Variants in PRDM10 observed in about 807,000 individuals in gnomAD.
The protein encoded by PRDM10 is PR domain zinc finger protein 10.
A neutral mutation model predicts 133.1 loss-of-function variants in PRDM10; 65 were observed. That is an observed-to-expected ratio of 0.49 (90% CI 0.40 to 0.60). The LOEUF is 0.60. Ranked by LOEUF, PRDM10 falls within the 20% of genes least tolerant of loss-of-function variation. The probability of loss-of-function intolerance (pLI) is 0.00; values close to 1 mark genes in which losing one functional copy is unlikely to be tolerated. For missense variants in PRDM10, 1,137 were observed against 1,507.1 expected (o/e 0.75, Z 4.07); for synonymous variants, 582 against 580.4 (o/e 1.00, Z -0.04).
rs1950562272 is a variant in PRDM10 at position 129,923,066 on chromosome 11, G to A, written c.2034+182C>T. ...GGGGATTTGAATTAACTATTTTGAG[G>A]AAATGAGTAAGTTTTCCCCCTTAAT... On this transcript the variant is annotated intron_variant, in intron 13 of 20. Transcript: ENST00000360871. The surrounding 1 kb of genome is among the most constrained non-coding windows in gnomAD (Gnocchi z 4.4). Among the ~76,000 whole-genome samples the A allele has an allele frequency of 1.3e-5, 2 of 152,174 alleles. No homozygotes were observed. Among genetic ancestry groups the A allele is most frequent in the Non-Finnish European group, 2.9e-5 (2 of 68,040 alleles).
chr11:129,912,063 A>G (rs1950200300), intron 18 of PRDM10, 22 bp downstream of exon 18: 1 of 1,578,248 alleles, frequency 6.3e-7, no homozygotes, highest in Non-Finnish European at 8.6e-7. Context: ...AACACCTCCA[A>G]ATAGTCTGTG....
chr11:129,944,738 G>A (rs1341731152), intron 6 of PRDM10, 33 bp downstream of exon 6: 2 of 1,611,640 alleles, frequency 1.2e-6, no homozygotes, highest in Admixed American at 1.7e-5. Flanking sequence ...ACTGGTAAAG[G>A]ACAGGAGTGA....
At chr11:129,977,438 C>T in intron 1 of PRDM10, among the ~76,000 whole-genome samples, 1 of 152,148 alleles carries the variant, frequency 6.6e-6, no homozygotes, top group East Asian at 1.9e-4. Flanking sequence ...CACCCGCCAC[C>T]ATGCCCAGCT....
chr11:129,997,440 C>A lies in PRDM10; in HGVS notation c.-119+5282G>T, dbSNP rs144489189. On this transcript the variant is annotated intron_variant, in intron 1 of 20. Transcript: ENST00000360871. Reference sequence around the variant, plus strand: ...GGCTGCAGTGGGCTATGATGGTGCCCCCGCATTCCTGCGTAGGTGACAGAA... The same window carrying A: ...GGCTGCAGTGGGCTATGATGGTGCCACCGCATTCCTGCGTAGGTGACAGAA... Among the ~76,000 whole-genome samples the A allele has an allele frequency of 7.0e-3, 1,043 of 149,368 alleles. 12 individuals are homozygous for A. Among genetic ancestry groups the A allele is most frequent in the African/African-American group, 0.025 (979 of 38,836 alleles).
Position 129,903,325 on chromosome 11 carries a change from A to AATAATAATAATAATAATG in PRDM10, c.3268-810_3268-809insCATTATTATTATTATTAT, listed in dbSNP as rs1949902982. ...AAATAATAATAATAATAATAATAAT[A>AATAATAATAATAATAATG]ATAATAATAATAATAAATGGTTCCC... On this transcript the variant is annotated intron_variant, in intron 20 of 20. Transcript: ENST00000360871. Among the ~76,000 whole-genome samples the AATAATAATAATAATAATG allele has an allele frequency of 1.8e-4, 26 of 145,176 alleles. No homozygotes were observed. In the South Asian group the frequency reaches 4.7e-3, roughly 26 times the overall value.
intron 19 of PRDM10, among the ~76,000 whole-genome samples, chr11:129,906,989 G>A (rs113349023): frequency 0.035 from 4,947 of 139,390 alleles, 262 homozygotes; most frequent in African/African-American, 0.12. Flanking sequence ...AAAAGAAAAA[G>A]AAAAAAAAAA....
intron 1 of PRDM10, among the ~76,000 whole-genome samples, chr11:129,971,975 C>T (rs1390874658): frequency 6.6e-6 from 1 of 152,234 alleles, no homozygotes; most frequent in Non-Finnish European, 1.5e-5. Context: ...CGAGCCCTGC[C>T]CCGCGGGAAG....
chr11:129,934,260 C>A (rs1419839130), intron 9 of PRDM10, among the ~76,000 whole-genome samples: 1 of 152,226 alleles, frequency 6.6e-6, no homozygotes, highest in East Asian at 1.9e-4. Context: ...CATTTCATAA[C>A]CATGAACCCC....
Position 129,947,165 on chromosome 11 carries a change from G to A in PRDM10, c.500C>T (p.Pro167Leu). ...LDDWEPDPPR[P>L]FDPHDLWCEE... ...CTTACACAAGTCGTGTGGGTCGAAG[G>A]GCCGGGGCGGGTCTGGCTCCCAGTC... is the stretch of plus-strand genomic sequence containing the variant. Residue 167 changes from proline to leucine, a missense_variant, in exon 5 of 21, where the codon CCC (proline) becomes CTC (leucine). Physicochemically the swap from Pro to Leu is moderately conservative, Grantham distance 98 (BLOSUM62 -3). Transcript: ENST00000360871. This position sits in a 1 kb window ranked among gnomAD's most constrained non-coding sequence, Gnocchi z 4.6. 6.2e-7 allele frequency: 1 copy of A among 1,613,978 alleles called. No individual in the cohort carries two copies. The highest frequency in any genetic ancestry group is 1.1e-5 in the South Asian group (1 of 91,064).
At chr11:130,001,734 G>A (rs887519395) in intron 1 of PRDM10, among the ~76,000 whole-genome samples, 6 of 152,334 alleles carry the variant, frequency 3.9e-5, no homozygotes, top group South Asian at 2.1e-4. Flanking sequence ...TAGCTGCAGG[G>A]TTAAACCTGC....
At chr11:129,929,797 A>C (rs1316197432) in intron 11 of PRDM10, among the ~76,000 whole-genome samples, 1 of 150,548 alleles carries the variant, frequency 6.6e-6, no homozygotes, top group African/African-American at 2.4e-5. Flanking sequence ...CTCTGGACTT[A>C]GTAAAAAAAA....
chr11:129,970,097 A>G (rs1226459620), intron 1 of PRDM10, among the ~76,000 whole-genome samples: 1 of 152,240 alleles, frequency 6.6e-6, no homozygotes, highest in East Asian at 1.9e-4. Flanking sequence ...AAATATGTTC[A>G]GATGACAAGG....
At chr11:129,988,951 A>C (rs942547500) in intron 1 of PRDM10, among the ~76,000 whole-genome samples, 1 of 152,238 alleles carries the variant, frequency 6.6e-6, no homozygotes, top group Non-Finnish European at 1.5e-5. Context: ...ACTTTCTAGA[A>C]ATATCCAGAG....
At chr11:129,972,355 C>G (rs950437733) in intron 1 of PRDM10, among the ~76,000 whole-genome samples, 4 of 152,240 alleles carry the variant, frequency 2.6e-5, no homozygotes, top group Non-Finnish European at 5.9e-5. Context: ...AGCGAGGGCT[C>G]TGGGGACTGC....
At chr11:129,922,209 C>A (rs1251641131) in intron 13 of PRDM10, among the ~76,000 whole-genome samples, 1 of 152,074 alleles carries the variant, frequency 6.6e-6, no homozygotes, top group African/African-American at 2.4e-5. Context: ...TGAAAGCAAG[C>A]AAAGAAATTT....
intron 1 of PRDM10, among the ~76,000 whole-genome samples, chr11:129,996,606 CAAG>C (rs1939076360): frequency 1.3e-5 from 2 of 152,052 alleles, no homozygotes; most frequent in African/African-American, 4.8e-5. Context: ...AGCCACTGCT[CAAG>C]AAGGATGGAT....
intron 15 of PRDM10, 78 bp from the exon 16 acceptor site, chr11:129,915,938 A>G (rs1365135761): frequency 1.4e-6 from 2 of 1,399,246 alleles, no homozygotes; most frequent in Non-Finnish European, 1.9e-6. Context: ...CAATTTCATT[A>G]TAAGAAAATG....
At chr11:129,964,065 G>T (rs904344504) in intron 1 of PRDM10, among the ~76,000 whole-genome samples, 77 of 152,250 alleles carry the variant, frequency 5.1e-4, no homozygotes, top group African/African-American at 1.8e-3. Flanking sequence ...TTAGATTCAG[G>T]ATATGTATTT....
intron 9 of PRDM10, among the ~76,000 whole-genome samples, chr11:129,933,256 G>A (rs987766321): frequency 1.3e-5 from 2 of 152,022 alleles, no homozygotes; most frequent in Admixed American, 1.3e-4. Context: ...CTTCATGTTG[G>A]AAAATTCTGA....
Sources: allele counts gnomAD v4.1 joint callset (sites outside exome capture counted in the v4.1 genomes callset), GRCh38; gene constraint gnomAD v4.1.1; non-coding constraint Gnocchi (gnomAD v3.1); transcripts MANE v1.5; gene names NCBI Gene and HGNC (gene_info 2026-07-23, HGNC 2026-07-21).